Variants in MED12L observed in about 807,000 individuals in gnomAD.
The protein encoded by MED12L is mediator of RNA polymerase II transcription subunit 12-like protein.
Under a neutral mutation model 281.3 loss-of-function variants are expected in MED12L, and 60 were observed. That is an observed-to-expected ratio of 0.21 (90% CI 0.17 to 0.26). The LOEUF is 0.26. MED12L is among the 10% of genes least tolerant of loss of function. MED12L has a pLI of 1.00. For missense variants in MED12L, 2,146 were observed against 2,680.9 expected, an observed-to-expected ratio of 0.80 and a Z score of 4.41; for synonymous variants, 974 against 987.2, an observed-to-expected ratio of 0.99 and a Z score of 0.25.
chr3:151,171,945 G>A (rs1256389469), intron 11 of MED12L, among the ~76,000 whole-genome samples: 1 of 152,196 alleles, frequency 6.6e-6, no homozygotes, highest in Non-Finnish European at 1.5e-5. Flanking sequence ...CCCAGGAGAT[G>A]CTCAGTCGCA....
chr3:151,298,456 A>C (rs1745398244), intron 16 of MED12L, among the ~76,000 whole-genome samples: 1 of 152,184 alleles, frequency 6.6e-6, no homozygotes. Context: ...TGATTTCCCC[A>C]TCCCTTCTTC....
chr3:151,436,557 A>G lies in MED12L; in HGVS notation c.*3753A>G. ...AATGCATTTATTTACAAGTCCTTTT[A>G]TTTTGCATGTTCATTGTAAATTTAA... On this transcript the variant is annotated 3_prime_UTR_variant, in exon 45 of 45. Transcript: ENST00000687756. 1.6e-6 allele frequency: 1 copy of G among 630,700 alleles called. No individual in the cohort carries two copies. The highest frequency in any genetic ancestry group is 2.7e-6 in the Non-Finnish European group (1 of 371,162). 39.1% of individuals were successfully genotyped at this position (630,700 alleles called of 1,614,324 possible).
intron 16 of MED12L, among the ~76,000 whole-genome samples, chr3:151,226,199 C>T (rs1054340180): frequency 6.6e-6 from 1 of 152,114 alleles, no homozygotes; most frequent in Non-Finnish European, 1.5e-5. Context: ...GGCAGCCTTC[C>T]TGGAGCATGT....
intron 31 of MED12L, among the ~76,000 whole-genome samples, chr3:151,379,726 G>A (rs748852389): frequency 1.3e-5 from 2 of 152,180 alleles, no homozygotes; most frequent in Non-Finnish European, 2.9e-5. Flanking sequence ...TAAAACAAGA[G>A]TTTTATATGA....
chr3:151,292,219 G>A (rs1025411574), intron 16 of MED12L, among the ~76,000 whole-genome samples: 3 of 151,832 alleles, frequency 2.0e-5, no homozygotes, highest in Non-Finnish European at 4.4e-5. Context: ...GAGCTGTGGT[G>A]TGGTAGAAAC....
chr3:151,292,288 C>CTTTTTTTTTTTTTTTTT lies in MED12L; in HGVS notation c.2251-57770_2251-57754dup, dbSNP rs35742538. ...TATTTTCCCAGCAATAATATTGCTC[C>CTTTTTTTTTTTTTTTTT]TTTTTTTTTTTTTTTTTGGATGGAG... On this transcript the variant is annotated intron_variant, in intron 16 of 44. Coordinates refer to ENST00000687756, the MANE Select transcript of MED12L (RefSeq NM_001393769.1). Among the ~76,000 whole-genome samples, 18 of 139,884 alleles carry CTTTTTTTTTTTTTTTTT rather than the reference C, an allele frequency of 1.3e-4. 1 individual carries two copies. The highest frequency in any genetic ancestry group is 3.5e-4 in the African/African-American group (13 of 36,652). 91.8% of individuals were successfully genotyped at this position (139,884 alleles called of 152,430 possible). A position where few individuals can be genotyped will look rare whatever the true frequency, so the allele number is the denominator to read the frequency against.
chr3:151,182,621 G>A (rs538021002), intron 11 of MED12L, among the ~76,000 whole-genome samples: 34 of 152,266 alleles, frequency 2.2e-4, no homozygotes, highest in African/African-American at 8.2e-4. Context: ...GGTGGAGGTG[G>A]GCTTAGCATG....
chr3:151,265,849 A>G (rs2149521272), intron 16 of MED12L, among the ~76,000 whole-genome samples: 1 of 152,278 alleles, frequency 6.6e-6, no homozygotes, highest in African/African-American at 2.4e-5. Context: ...ATGAAATTGG[A>G]AGGGTCTCTT....
chr3:151,367,882 G>A (rs928780195), intron 24 of MED12L, 116 bp downstream of exon 24: 4 of 1,190,952 alleles, frequency 3.4e-6, no homozygotes, highest in African/African-American at 3.1e-5. Flanking sequence ...GGGAAGTGGT[G>A]TAGTATCAAG....
At position 151,435,296 on chromosome 3, in the gene MED12L, C is replaced by G. The variant is rs1164178616; in HGVS notation, c.*2492C>G. The G allele has an allele frequency of 6.6e-6, 1 of 152,030 alleles. No homozygotes were observed. The highest frequency in any genetic ancestry group is 1.9e-4 in the East Asian group (1 of 5,182). 9.4% of individuals were successfully genotyped at this position (152,030 alleles called of 1,614,324 possible). A position where few individuals can be genotyped will look rare whatever the true frequency, so the allele number is the denominator to read the frequency against. On this transcript the variant is annotated 3_prime_UTR_variant, in exon 45 of 45. Transcript: ENST00000687756. ...TGGATATAAGAAGCCCATAGACTCT[C>G]TTGTTTACACTGTAGGCTTTTTCTT...
At chr3:151,217,755 G>A (rs1369721542) in intron 16 of MED12L, among the ~76,000 whole-genome samples, 2 of 152,176 alleles carry the variant, frequency 1.3e-5, no homozygotes, top group East Asian at 1.9e-4. Flanking sequence ...GATACTCTTG[G>A]TAGTAATTTT....
intron 16 of MED12L, chr3:151,328,621 G>A (rs142736005): frequency 1.3e-4 from 215 of 1,613,738 alleles, no homozygotes; most frequent in African/African-American, 8.5e-4. Flanking sequence ...AAGGTCTGAT[G>A]ATCTTGAGGA....
At chr3:151,308,932 T>C (rs1262608535) in intron 16 of MED12L, among the ~76,000 whole-genome samples, 1 of 152,220 alleles carries the variant, frequency 6.6e-6, no homozygotes, top group African/African-American at 2.4e-5. Context: ...TCATCACTTG[T>C]CTTCACTGAC....
At chr3:151,141,852 A>G (rs1335274711) in intron 5 of MED12L, among the ~76,000 whole-genome samples, 13 of 152,126 alleles carry the variant, frequency 8.5e-5, no homozygotes, top group Admixed American at 7.9e-4. Context: ...CTAGTCCCAC[A>G]TTTTCTGTTA....
intron 16 of MED12L, among the ~76,000 whole-genome samples, chr3:151,339,817 G>A (rs574551702): frequency 6.6e-6 from 1 of 152,154 alleles, no homozygotes; most frequent in East Asian, 1.9e-4. Context: ...ACTTGAATAT[G>A]CTATATGGCA....
chr3:151,331,809 G>T (rs767658099), intron 16 of MED12L, among the ~76,000 whole-genome samples: 3 of 152,144 alleles, frequency 2.0e-5, no homozygotes, highest in African/African-American at 7.2e-5. Flanking sequence ...CCAGAGATTG[G>T]TCCCATTTTT....
Position 151,434,037 on chromosome 3 carries a change from A to ATT in MED12L, c.*1239_*1240dup, listed in dbSNP as rs1363732684. 1 of 152,532 alleles carries ATT rather than the reference A, an allele frequency of 6.6e-6. No homozygotes were observed. 9.4% of individuals were successfully genotyped at this position (152,532 alleles called of 1,614,324 possible). A position where few individuals can be genotyped will look rare whatever the true frequency, so the allele number is the denominator to read the frequency against. Reference sequence around the variant, plus strand: ...GTAACTTAAGAGTATTCTATATAATATTTTTTTAGATTTAGATGCATAAAA... The same window carrying ATT: ...GTAACTTAAGAGTATTCTATATAATATTTTTTTTTAGATTTAGATGCATAAAA... On this transcript the variant is annotated 3_prime_UTR_variant, in exon 45 of 45. Coordinates refer to ENST00000687756, the MANE Select transcript of MED12L (RefSeq NM_001393769.1).
chr3:151,225,751 C>T (rs9289834), intron 16 of MED12L, among the ~76,000 whole-genome samples: 102,774 of 151,890 alleles, frequency 0.68, 35,072 homozygotes, highest in African/African-American at 0.74. Flanking sequence ...CTCCCACCCC[C>T]TATCTTTTTT....
intron 11 of MED12L, among the ~76,000 whole-genome samples, chr3:151,166,304 A>T (rs1284077154): frequency 6.6e-6 from 1 of 152,156 alleles, no homozygotes; most frequent in African/African-American, 2.4e-5. Context: ...GTTGGCTTTA[A>T]CTTGGGGGAA....
Sources: allele counts gnomAD v4.1 joint callset (sites outside exome capture counted in the v4.1 genomes callset), GRCh38; gene constraint gnomAD v4.1.1; transcripts MANE v1.5; gene names NCBI Gene and HGNC (gene_info 2026-07-23, HGNC 2026-07-21).